Variants in MAGI1 observed in about 807,000 individuals in gnomAD.
The protein encoded by MAGI1 is membrane-associated guanylate kinase, WW and PDZ domain-containing protein 1.
In MAGI1, 58 loss-of-function variants were observed where a neutral mutation model predicts 139.9. The observed-to-expected ratio is 0.41, with a 90% CI of 0.34 to 0.52. MAGI1 has a LOEUF of 0.52. Ranked by LOEUF, MAGI1 falls within the 20% of genes least tolerant of loss-of-function variation. MAGI1 has a pLI of 0.12. For synonymous variants in MAGI1, 812 were observed against 737.9 expected, an observed-to-expected ratio of 1.10 and a Z score of -1.63; for missense variants, 1,874 against 1,901.6, an observed-to-expected ratio of 0.99 and a Z score of 0.27.
At chr3:65,982,342 G>T (rs1474327041) in intron 1 of MAGI1, among the ~76,000 whole-genome samples, 1 of 152,122 alleles carries the variant, frequency 6.6e-6, no homozygotes, top group Non-Finnish European at 1.5e-5. Context: ...CTTCTTTGGT[G>T]CAAGGTCTAT....
chr3:65,971,982 G>A (rs995232047), intron 1 of MAGI1, among the ~76,000 whole-genome samples: 11 of 152,300 alleles, frequency 7.2e-5, no homozygotes, highest in African/African-American at 2.6e-4. Context: ...AATAGGACAA[G>A]CTGTTAGCCA....
Position 65,627,485 on chromosome 3 carries a change from CTTTTTTTTTTTTTTTTTTTTTTT to C in MAGI1, c.314-5420_314-5398del, listed in dbSNP as rs779588733. 2.4e-3 allele frequency among the ~76,000 whole-genome samples: 69 copies of C among 28,356 alleles called. 1 individual carries two copies. Among genetic ancestry groups the C allele is most frequent in the South Asian group, 5.5e-3 (3 of 546 alleles). 18.6% of individuals were successfully genotyped at this position (28,356 alleles called of 152,430 possible). A position where few individuals can be genotyped will look rare whatever the true frequency, so the allele number is the denominator to read the frequency against. ...TTGCCGTTATTTTATATTTCTGTAT[CTTTTTTTTTTTTTTTTTTTTTTT>C]TTTTTTTTTTTTTTTTTGAGATGGA... is the stretch of plus-strand genomic sequence containing the variant. On this transcript the variant is annotated intron_variant, in intron 1 of 22. Transcript: ENST00000402939.
At chr3:65,683,970 G>A (rs2107526481) in intron 1 of MAGI1, among the ~76,000 whole-genome samples, 1 of 147,248 alleles carries the variant, frequency 6.8e-6, no homozygotes, top group Middle Eastern at 3.6e-3. Context: ...TTTGATACCA[G>A]CCTGGGCAAC....
chr3:65,410,801 ATCAG>A (rs1559532088), intron 12 of MAGI1, among the ~76,000 whole-genome samples: 1 of 151,034 alleles, frequency 6.6e-6, no homozygotes, highest in Non-Finnish European at 1.5e-5. Context: ...ATACAACGAG[ATCAG>A]TCTCTGATTT....
At chr3:65,707,119 T>TA (rs933786581) in intron 1 of MAGI1, among the ~76,000 whole-genome samples, 4 of 152,212 alleles carry the variant, frequency 2.6e-5, no homozygotes, top group Non-Finnish European at 5.9e-5. Flanking sequence ...GTAGATGTTG[T>TA]ATAAACTTCT....
At chr3:65,911,207 T>C (rs889535275) in intron 1 of MAGI1, among the ~76,000 whole-genome samples, 10 of 151,952 alleles carry the variant, frequency 6.6e-5, no homozygotes, top group Admixed American at 2.0e-4. Flanking sequence ...CCATTTCTGA[T>C]AGAAGCAACC....
Position 65,768,240 on chromosome 3 carries a change from C to T in MAGI1, c.314-146152G>A, listed in dbSNP as rs149991310. 5.0e-3 allele frequency among the ~76,000 whole-genome samples: 757 copies of T among 152,140 alleles called. 9 individuals carry two copies. Among genetic ancestry groups the T allele is most frequent in the Middle Eastern group, 0.01 (3 of 294 alleles). On this transcript the variant is annotated intron_variant, in intron 1 of 22. Coordinates refer to ENST00000402939, the MANE Select transcript of MAGI1 (RefSeq NM_001033057.2). ...TTCTAGACCAGCCTGGCCAACTTGA[C>T]AAAACCTCGTCTCTACTAAAAATAC...
intron 8 of MAGI1, among the ~76,000 whole-genome samples, chr3:65,441,008 T>C (rs1162990631): frequency 6.6e-6 from 1 of 152,056 alleles, no homozygotes; most frequent in Non-Finnish European, 1.5e-5. Context: ...TCACCCAGGC[T>C]GGAGTGCAGT....
At chr3:65,667,978 T>C (rs2086633137) in intron 1 of MAGI1, among the ~76,000 whole-genome samples, 1 of 152,224 alleles carries the variant, frequency 6.6e-6, no homozygotes, top group South Asian at 2.1e-4. Flanking sequence ...CCCTGTGTAA[T>C]GTTTCTGTTA....
chr3:65,985,581 T>A (rs1419763261), intron 1 of MAGI1, among the ~76,000 whole-genome samples: 1 of 152,206 alleles, frequency 6.6e-6, no homozygotes, highest in Admixed American at 6.5e-5. Context: ...CTAATAGACT[T>A]TCTTAAGTGG....
intron 1 of MAGI1, among the ~76,000 whole-genome samples, chr3:65,638,598 T>TTTTTC (rs2084787558): frequency 3.9e-5 from 1 of 25,720 alleles, no homozygotes; most frequent in Non-Finnish European, 7.0e-5. Flanking sequence ...GCTCTCCTGA[T>TTTTTC]TTTTTTTTTT....
chr3:65,443,695 T>C lies in MAGI1; in HGVS notation c.1079-846A>G, dbSNP rs149765131. ...ACTAGGTTGTGGGTTTTTTTTGTCA[T>C]TAAACAATCCTTTCAGGCAGAACAA... On this transcript the variant is annotated intron_variant, in intron 7 of 22. Transcript: ENST00000402939. Among the ~76,000 whole-genome samples the C allele has an allele frequency of 9.1e-3, 1,392 of 152,230 alleles. 15 individuals are homozygous for C. The highest frequency in any genetic ancestry group is 0.03 in the African/African-American group (1,259 of 41,528).
intron 1 of MAGI1, among the ~76,000 whole-genome samples, chr3:65,695,048 C>T (rs748753997): frequency 2.6e-4 from 40 of 151,964 alleles, no homozygotes; most frequent in African/African-American, 5.1e-4. Context: ...CCAAAAATTA[C>T]GCAGGAAGGA....
At chr3:65,411,048 TAAAAC>T (rs1945755935) in intron 12 of MAGI1, among the ~76,000 whole-genome samples, 1 of 152,174 alleles carries the variant, frequency 6.6e-6, no homozygotes, top group South Asian at 2.1e-4. Context: ...ACCGTTAACT[TAAAAC>T]AACCACTAAT....
intron 1 of MAGI1, among the ~76,000 whole-genome samples, chr3:65,637,986 C>T (rs2084743719): frequency 6.6e-6 from 1 of 152,142 alleles, no homozygotes; most frequent in Admixed American, 6.5e-5. Flanking sequence ...GAGGAGCTGG[C>T]ATAGACTATG....
chr3:65,600,563 T>G (rs2082432142), intron 2 of MAGI1, among the ~76,000 whole-genome samples: 1 of 152,204 alleles, frequency 6.6e-6, no homozygotes, highest in African/African-American at 2.4e-5. Flanking sequence ...TTAGTTGCAT[T>G]TCTTTTAAAG....
intron 1 of MAGI1, among the ~76,000 whole-genome samples, chr3:65,823,599 C>G (rs925248845): frequency 6.6e-6 from 1 of 152,226 alleles, no homozygotes; most frequent in Non-Finnish European, 1.5e-5. Flanking sequence ...TCTTTATTCT[C>G]TTTCTCACTG....
At chr3:65,749,587 G>A (rs144760036) in intron 1 of MAGI1, among the ~76,000 whole-genome samples, 181 of 151,972 alleles carry the variant, frequency 1.2e-3, no homozygotes, top group Non-Finnish European at 1.8e-3. Context: ...CTGCTTGCAT[G>A]ATGGGTGCAC....
chr3:65,443,467 G>T (rs776396628), intron 7 of MAGI1, among the ~76,000 whole-genome samples: 1 of 152,192 alleles, frequency 6.6e-6, no homozygotes, highest in Non-Finnish European at 1.5e-5. Context: ...TAAGGCGGAT[G>T]ATTTTATTTC....
Sources: gnomAD v4.1 joint callset for allele counts (sites outside exome capture counted in the v4.1 genomes callset) on GRCh38, gnomAD v4.1.1 for gene constraint, MANE v1.5 for transcripts, NCBI Gene and HGNC (gene_info 2026-07-23, HGNC 2026-07-21) for gene names.